TCF12: variants seen among roughly 807,000 people sequenced by gnomAD.
TCF12 encodes the protein transcription factor 12, also known as DNA-binding protein HTF4.
A neutral mutation model predicts 86.0 loss-of-function variants in TCF12; 45 were observed. The observed-to-expected ratio is 0.52, with a 90% confidence interval of 0.41 to 0.67. The LOEUF is 0.67. TCF12 is among the 30% of genes least tolerant of loss of function. TCF12 has a pLI of 0.00. For missense variants in TCF12, 881 were observed against 859.9 expected (o/e 1.02, Z -0.31); for synonymous variants, 330 against 299.6 (o/e 1.10, Z -1.05).
In TCF12 at chr15:57,251,358, C is replaced by G; in HGVS notation, c.1123C>G (p.Gln375Glu). Residue 375 changes from glutamine (Q) to glutamate (E), a missense_variant, in exon 14 of 21, where the codon CAG becomes GAG. Transcript: ENST00000333725. ...CTTTTGGGTTTTAACAGGTACCAGT[C>G]AGTGGCCAAGACCTGGAGGGCAAGC... is the stretch of plus-strand genomic sequence containing the variant. ...GSPSPLTGTS[Q>E]WPRPGGQAPS... 6.2e-7 allele frequency: 1 copy of G among 1,613,866 alleles called. No individual in the cohort carries two copies. Among genetic ancestry groups the G allele is most frequent in the South Asian group, 1.1e-5 (1 of 91,056 alleles).
intron 3 of TCF12, among the ~76,000 whole-genome samples, chr15:56,941,373 ATT>A (rs34543266): frequency 7.7e-5 from 11 of 143,180 alleles, no homozygotes; most frequent in Admixed American, 1.4e-4. Context: ...TCTCAAAAAA[ATT>A]TTTTTTTTTT....
At chr15:56,969,180 G>A (rs2062161453) in intron 3 of TCF12, among the ~76,000 whole-genome samples, 2 of 152,172 alleles carry the variant, frequency 1.3e-5, no homozygotes, top group South Asian at 2.1e-4. Flanking sequence ...GGAATAAAAT[G>A]GGAGGCAGGT....
intron 20 of TCF12, among the ~76,000 whole-genome samples, chr15:57,283,265 T>G (rs2061778309): frequency 6.6e-6 from 1 of 152,130 alleles, no homozygotes; most frequent in Admixed American, 6.5e-5. Flanking sequence ...TGTGATTTTT[T>G]TTTTTTTTCC....
intron 4 of TCF12, among the ~76,000 whole-genome samples, chr15:57,078,107 A>T (rs1166103394): frequency 1.3e-5 from 2 of 152,152 alleles, no homozygotes; most frequent in Admixed American, 6.5e-5. Context: ...GCTTATTGAC[A>T]CTTTATTTTC....
rs1265773168 is a variant in TCF12 at position 57,177,614 on chromosome 15, G to GAGAGAGAGAGAT, written c.390+11159_390+11160insTAGAGAGAGAGA. ...CCTATTTTTGTTAAAAGGCCAGAGA[G>GAGAGAGAGAGAT]AGAGAGAGAGAGAGAGAGAGAGAGT... is the stretch of plus-strand genomic sequence containing the variant. On this transcript the variant is annotated intron_variant, in intron 6 of 20. Coordinates refer to ENST00000333725, the MANE Select transcript of TCF12 (RefSeq NM_207037.2). Among the ~76,000 whole-genome samples the GAGAGAGAGAGAT allele has an allele frequency of 6.8e-5, 10 of 147,482 alleles. 2 individuals are homozygous for GAGAGAGAGAGAT. Among genetic ancestry groups the GAGAGAGAGAGAT allele is most frequent in the African/African-American group, 2.7e-4 (10 of 37,382 alleles).
At chr15:57,033,087 G>A (rs1199682477) in intron 3 of TCF12, among the ~76,000 whole-genome samples, 1 of 152,082 alleles carries the variant, frequency 6.6e-6, no homozygotes, top group Non-Finnish European at 1.5e-5. Flanking sequence ...AAAGAGGAAA[G>A]AGTGAATAAA....
chr15:57,272,669 G>A (rs949338794), intron 18 of TCF12, among the ~76,000 whole-genome samples: 1 of 152,200 alleles, frequency 6.6e-6, no homozygotes, highest in Non-Finnish European at 1.5e-5. Context: ...TTTTTAACAA[G>A]CTCCCAGTAA....
intron 3 of TCF12, among the ~76,000 whole-genome samples, chr15:56,921,356 T>A (rs1483875815): frequency 5.9e-5 from 9 of 152,106 alleles, no homozygotes; most frequent in African/African-American, 2.2e-4. Context: ...AAACTTAGAT[T>A]TATTTTTAAA....
chr15:57,159,654 T>C (rs983099755), intron 5 of TCF12, among the ~76,000 whole-genome samples: 1 of 152,242 alleles, frequency 6.6e-6, no homozygotes, highest in Non-Finnish European at 1.5e-5. Context: ...CATTAACTTT[T>C]TTGAAACATC....
At chr15:57,130,392 C>T (rs918343713) in intron 5 of TCF12, among the ~76,000 whole-genome samples, 12 of 152,072 alleles carry the variant, frequency 7.9e-5, no homozygotes, top group Admixed American at 2.6e-4. Flanking sequence ...AAATTACGTG[C>T]ATACTGACTT....
intron 3 of TCF12, among the ~76,000 whole-genome samples, chr15:57,059,399 C>A (rs951705717): frequency 6.6e-6 from 1 of 152,144 alleles, no homozygotes; most frequent in Non-Finnish European, 1.5e-5. Flanking sequence ...CTAACCATTT[C>A]TCTCATTCTT....
intron 12 of TCF12, among the ~76,000 whole-genome samples, chr15:57,236,072 G>A (rs1323671620): frequency 6.6e-6 from 1 of 152,168 alleles, no homozygotes; most frequent in Non-Finnish European, 1.5e-5. Flanking sequence ...CTGTCATCCT[G>A]TGTTGTTACT....
intron 3 of TCF12, chr15:57,001,516 T>C (rs1358614193): frequency 1.8e-5 from 3 of 162,236 alleles, no homozygotes; most frequent in African/African-American, 4.8e-5. Flanking sequence ...CTTTCATAGA[T>C]TTAAAAAATA....
intron 8 of TCF12, among the ~76,000 whole-genome samples, chr15:57,218,278 G>A (rs538817388): frequency 6.6e-6 from 1 of 152,256 alleles, no homozygotes; most frequent in East Asian, 1.9e-4. Context: ...AACCTACAAG[G>A]CATAGAGGGA....
intron 3 of TCF12, among the ~76,000 whole-genome samples, chr15:57,048,300 C>T (rs562937939): frequency 2.6e-5 from 4 of 152,158 alleles, no homozygotes; most frequent in Admixed American, 6.5e-5. Context: ...CTCGCTGTGT[C>T]GCCCAGGCTG....
At chr15:57,061,728 G>A (rs1017420473) in intron 3 of TCF12, among the ~76,000 whole-genome samples, 6 of 152,138 alleles carry the variant, frequency 3.9e-5, no homozygotes, top group African/African-American at 7.2e-5. Context: ...AAGATTCATC[G>A]AAATCACTTA....
chr15:57,024,009 T>G (rs1254229150), intron 3 of TCF12, among the ~76,000 whole-genome samples: 1 of 152,152 alleles, frequency 6.6e-6, no homozygotes, highest in African/African-American at 2.4e-5. Context: ...AGCTCAGGCC[T>G]TAATGCTCTC....
intron 8 of TCF12, among the ~76,000 whole-genome samples, chr15:57,215,246 A>G (rs2058285027): frequency 6.6e-6 from 1 of 152,184 alleles, no homozygotes; most frequent in South Asian, 2.1e-4. Flanking sequence ...TGCACATTTG[A>G]GAGACAGCAT....
rs564976628 is a variant in TCF12, at chr15:57,161,742, A to T, written c.326-4660A>T. ...TTCCATTTTGAATACGGATAACAAA[A>T]TAATCCAGACAGTACCTACAGTTTT... is the stretch of plus-strand genomic sequence containing the variant. On this transcript the variant is annotated intron_variant, in intron 5 of 20. Coordinates refer to ENST00000333725, the MANE Select transcript of TCF12 (RefSeq NM_207037.2). 3.3e-5 allele frequency among the ~76,000 whole-genome samples: 5 copies of T among 152,316 alleles called. No homozygotes were observed. The South Asian group carries it at 1.0e-3, about 32-fold the overall frequency.
Sources: allele counts gnomAD v4.1 joint callset (sites outside exome capture counted in the v4.1 genomes callset), GRCh38; gene constraint gnomAD v4.1.1; transcripts MANE v1.5; gene names NCBI Gene and HGNC (gene_info 2026-07-23, HGNC 2026-07-21).